Variants in BABAM2 observed in about 807,000 individuals in gnomAD.
BABAM2 encodes the protein BRISC and BRCA1 A complex member 2.
A neutral mutation model predicts 54.7 loss-of-function variants in BABAM2; 31 were observed. That is an observed-to-expected ratio of 0.57 (90% CI 0.43 to 0.77). The LOEUF is 0.77. Ranked by LOEUF, BABAM2 falls within the 30% of genes least tolerant of loss-of-function variation. BABAM2 has a pLI of 0.00. For synonymous variants in BABAM2, 167 were observed against 162.9 expected (o/e 1.03, Z -0.19); for missense variants, 364 against 455.8 (o/e 0.80, Z 1.83).
At chr2:28,219,826 G>A (rs539233429) in intron 7 of BABAM2, among the ~76,000 whole-genome samples, 4 of 152,236 alleles carry the variant, frequency 2.6e-5, no homozygotes, top group African/African-American at 9.6e-5. Flanking sequence ...GAGCCGCTGC[G>A]GAGCCAAGCA....
chr2:28,108,535 G>T (rs554574972), intron 6 of BABAM2, among the ~76,000 whole-genome samples: 121 of 152,180 alleles, frequency 8.0e-4, no homozygotes, highest in Non-Finnish European at 1.4e-3. Flanking sequence ...AAGTCTGACT[G>T]AATTTATGGT....
intron 7 of BABAM2, among the ~76,000 whole-genome samples, chr2:28,207,268 C>T (rs1227353489): frequency 6.6e-6 from 1 of 151,714 alleles, no homozygotes; most frequent in Admixed American, 6.6e-5. Context: ...CTTTGGGAGG[C>T]CAAGGTGGGA....
At chr2:28,064,682 C>T (rs1051461980) in intron 6 of BABAM2, among the ~76,000 whole-genome samples, 2 of 152,054 alleles carry the variant, frequency 1.3e-5, no homozygotes, top group Non-Finnish European at 2.9e-5. Flanking sequence ...GCTAGTGCAC[C>T]CAGGCAATCC....
chr2:28,183,349 G>A (rs959360011), intron 7 of BABAM2, among the ~76,000 whole-genome samples: 3 of 152,170 alleles, frequency 2.0e-5, no homozygotes, highest in Non-Finnish European at 4.4e-5. Flanking sequence ...GCTGAGGCAG[G>A]AGAATTGCTT....
intron 6 of BABAM2, among the ~76,000 whole-genome samples, chr2:28,115,328 G>A (rs905368273): frequency 6.6e-6 from 1 of 152,024 alleles, no homozygotes; most frequent in African/African-American, 2.4e-5. Context: ...TCTCATGAGA[G>A]GATATGACTT....
intron 5 of BABAM2, 47 bp from the exon 6 acceptor site, chr2:28,045,678 A>T: frequency 6.6e-7 from 1 of 1,505,706 alleles, no homozygotes; most frequent in Non-Finnish European, 9.1e-7. Context: ...GTCACTTCAT[A>T]ATCTATTTTT....
chr2:28,227,930 G>A (rs1681039166), intron 7 of BABAM2, among the ~76,000 whole-genome samples: 1 of 152,014 alleles, frequency 6.6e-6, no homozygotes, highest in African/African-American at 2.4e-5. Flanking sequence ...ACCCCCTCCA[G>A]ATTATTCTTA....
intron 7 of BABAM2, among the ~76,000 whole-genome samples, chr2:28,134,163 T>C (rs960025258): frequency 6.8e-6 from 1 of 146,874 alleles, no homozygotes; most frequent in Non-Finnish European, 1.5e-5. Context: ...ACGAGTAAGT[T>C]CTGTTAATTA....
intron 7 of BABAM2, among the ~76,000 whole-genome samples, chr2:28,182,387 C>G (rs1476394989): frequency 6.6e-6 from 1 of 152,196 alleles, no homozygotes; most frequent in Non-Finnish European, 1.5e-5. Context: ...GAGCCACTCT[C>G]CTGGGGATCT....
intron 6 of BABAM2, among the ~76,000 whole-genome samples, chr2:28,099,930 G>A (rs1004263472): frequency 1.3e-5 from 2 of 151,544 alleles, no homozygotes; most frequent in African/African-American, 2.4e-5. Flanking sequence ...GATTTATAAT[G>A]CCCTAATTAA....
chr2:28,276,779 A>G (rs1008872744), intron 10 of BABAM2, among the ~76,000 whole-genome samples: 1 of 152,270 alleles, frequency 6.6e-6, no homozygotes, highest in African/African-American at 2.4e-5. Flanking sequence ...GCTGGCAGAA[A>G]TAGCTTGCAA....
intron 6 of BABAM2, among the ~76,000 whole-genome samples, chr2:28,102,452 T>C (rs1393106078): frequency 1.3e-5 from 2 of 152,190 alleles, no homozygotes; most frequent in Non-Finnish European, 2.9e-5. Context: ...AGATCCACTT[T>C]TATTTCATTT....
intron 3 of BABAM2, among the ~76,000 whole-genome samples, chr2:27,951,963 A>T (rs1431397262): frequency 6.6e-6 from 1 of 152,216 alleles, no homozygotes; most frequent in Non-Finnish European, 1.5e-5. Flanking sequence ...TCTATCAATT[A>T]TTGGAAGAAG....
chr2:28,275,325 C>T (rs1378452484), intron 10 of BABAM2, among the ~76,000 whole-genome samples: 1 of 152,232 alleles, frequency 6.6e-6, no homozygotes, highest in Non-Finnish European at 1.5e-5. Context: ...TTCTAGTCCA[C>T]TTTGACTGAG....
At chr2:28,195,649 C>T (rs1220924950) in intron 7 of BABAM2, among the ~76,000 whole-genome samples, 2 of 152,072 alleles carry the variant, frequency 1.3e-5, no homozygotes, top group South Asian at 2.1e-4. Context: ...CTATTTTTAT[C>T]GTAGATACAT....
intron 2 of BABAM2, among the ~76,000 whole-genome samples, chr2:27,902,069 AT>A (rs1665831114): frequency 6.6e-6 from 1 of 152,140 alleles, no homozygotes; most frequent in South Asian, 2.1e-4. Context: ...TTTTAAATTC[AT>A]TCTTCTGCTG....
intron 7 of BABAM2, among the ~76,000 whole-genome samples, chr2:28,224,491 C>CT (rs1680693161): frequency 6.6e-6 from 1 of 152,160 alleles, no homozygotes. Context: ...CAAATTTAGT[C>CT]TTAACTCTTC....
At chr2:28,244,910 C>G in intron 10 of BABAM2, 48 bp downstream of exon 10, 1 of 1,506,642 alleles carries the variant, frequency 6.6e-7, no homozygotes, top group Non-Finnish European at 9.2e-7. Context: ...TTTTAAATGT[C>G]CTAAACCACA....
At chr2:28,104,097 A>G (rs1667302416) in intron 6 of BABAM2, among the ~76,000 whole-genome samples, 1 of 152,186 alleles carries the variant, frequency 6.6e-6, no homozygotes, top group South Asian at 2.1e-4. Flanking sequence ...CCCTGGAAGA[A>G]AACCTAGGCA....
Sources: allele counts gnomAD v4.1 joint callset (sites outside exome capture counted in the v4.1 genomes callset), GRCh38; gene constraint gnomAD v4.1.1; transcripts MANE v1.5; gene names NCBI Gene and HGNC (gene_info 2026-07-23, HGNC 2026-07-21).